The following MFSD8 variants were observed in gnomAD, a reference collection of about 807,000 sequenced individuals.
The protein encoded by MFSD8 is major facilitator superfamily domain containing 8, also known as major facilitator superfamily domain-containing protein 8.
In MFSD8, 55 loss-of-function variants were observed where a neutral mutation model predicts 66.4. That is an observed-to-expected ratio of 0.83 (90% confidence interval 0.67 to 1.04). MFSD8 has a LOEUF of 1.04. Among genes scored for constraint, MFSD8 ranks in the 50% least tolerant of loss-of-function variants. The pLI is 0.00. For missense variants in MFSD8, 550 were observed against 627.6 expected, an observed-to-expected ratio of 0.88 and a Z score of 1.32; for synonymous variants, 202 against 212.8, an observed-to-expected ratio of 0.95 and a Z score of 0.44.
chr4:127,948,292 C>A (rs1008277395), intron 3 of MFSD8, among the ~76,000 whole-genome samples: 6 of 152,020 alleles, frequency 3.9e-5, no homozygotes, highest in African/African-American at 1.4e-4. Flanking sequence ...GAAAAGGCAG[C>A]CTCCTAATAA....
Position 127,965,094 on chromosome 4 carries a change from A to C in MFSD8, c.40T>G (p.Leu14Val), listed in dbSNP as rs755977683. 1 of 1,613,974 alleles carries C rather than the reference A, an allele frequency of 6.2e-7. No individual in the cohort carries two copies. The highest frequency in any genetic ancestry group is 8.5e-7 in the Non-Finnish European group (1 of 1,180,018). Residue 14 changes from leucine (L) to valine (V), a missense_variant, in exon 1 of 12, where the codon TTA becomes GTA. Physicochemically the swap from Leu to Val is conservative, Grantham distance 32. Coordinates refer to ENST00000641686, the MANE Select transcript of MFSD8 (RefSeq NM_001371596.2). ...LRNESEQEPL[L>V]GDTPGSREWD... is the part of the protein sequence containing the mutation. ...CACCTGCTTCCAGGTGTGTCGCCTA[A>C]GAGCGGCTCCTGTTCACTTTCGTTC...
At chr4:127,929,322 CAAAAAAAAAAAAAA>C (rs543453360) in intron 9 of MFSD8, among the ~76,000 whole-genome samples, 9 of 30,362 alleles carry the variant, frequency 3.0e-4, no homozygotes, top group Admixed American at 7.7e-4. Flanking sequence ...GACTCCGTCA[CAAAAAAAAAAAAAA>C]AAAAAAAAAA....
At chr4:127,956,876 C>T (rs1025523170) in intron 2 of MFSD8, among the ~76,000 whole-genome samples, 4 of 150,632 alleles carry the variant, frequency 2.7e-5, no homozygotes, top group African/African-American at 9.8e-5. Flanking sequence ...GTGTTAGGGA[C>T]TCTTAGTAGT....
rs761377902 is a variant in MFSD8 at position 127,943,802 on chromosome 4, T to C, written c.389A>G (p.His130Arg). The C allele has an allele frequency of 1.2e-6, 2 of 1,613,486 alleles. No homozygotes were observed. The highest frequency in any genetic ancestry group is 1.3e-5 in the African/African-American group (1 of 75,034). Residue 130 changes from histidine (H) to arginine (R), a missense_variant, in exon 4 of 12, where the codon CAT becomes CGT. Transcript: ENST00000641686. Reference sequence around the variant, plus strand: ...AGCAACCAGCATGTAGTATTTATTATGAGAAGCTGGGATGTGGAGATATGC... The same window carrying C: ...AGCAACCAGCATGTAGTATTTATTACGAGAAGCTGGGATGTGGAGATATGC... ...LYAYLHIPAS[H>R]NKYYMLVARG...
At chr4:127,936,633 A>G (rs1196924144) in intron 7 of MFSD8, among the ~76,000 whole-genome samples, 1 of 151,838 alleles carries the variant, frequency 6.6e-6, no homozygotes, top group Non-Finnish European at 1.5e-5. Context: ...ACATATTTAT[A>G]TTAAAACATT....
At chr4:127,922,900 T>C (rs1736551984) in intron 9 of MFSD8, among the ~76,000 whole-genome samples, 1 of 152,186 alleles carries the variant, frequency 6.6e-6, no homozygotes, top group South Asian at 2.1e-4. Flanking sequence ...TATGGAATAA[T>C]CAGTGGCTAC....
chr4:127,952,869 C>CAAA (rs758640018), intron 2 of MFSD8, among the ~76,000 whole-genome samples: 12 of 65,240 alleles, frequency 1.8e-4, no homozygotes, highest in African/African-American at 5.2e-4. Context: ...GACTCCACCT[C>CAAA]AAAAAAAAAA....
chr4:127,946,776 G>A (rs775215884), intron 3 of MFSD8, among the ~76,000 whole-genome samples: 2 of 151,962 alleles, frequency 1.3e-5, no homozygotes, highest in African/African-American at 2.4e-5. Flanking sequence ...TTAGCTGGGC[G>A]TGGTGGTGCA....
chr4:127,942,236 T>C, intron 4 of MFSD8, 78 bp from the exon 5 acceptor site: 1 of 1,121,690 alleles, frequency 8.9e-7, no homozygotes, highest in Non-Finnish European at 1.3e-6. Flanking sequence ...TTTGACTTTA[T>C]ACAGAAGAAG....
chr4:127,920,966 A>T, intron 11 of MFSD8, 130 bp from the exon 12 acceptor site: 1 of 828,212 alleles, frequency 1.2e-6, no homozygotes, highest in Non-Finnish European at 1.9e-6. Context: ...TTTAAATTAA[A>T]CATAAAATGC....
At chr4:127,930,932 A>G in intron 8 of MFSD8, 115 bp from the exon 9 acceptor site, 1 of 1,037,756 alleles carries the variant, frequency 9.6e-7, no homozygotes, top group Non-Finnish European at 1.4e-6. Flanking sequence ...CATGCCTTTT[A>G]GCAATGACAA....
In MFSD8 at chr4:127,964,940, C is replaced by G. The variant is rs893284840; in HGVS notation, c.62+132G>C. 3.3e-5 allele frequency: 36 copies of G among 1,103,748 alleles called. 1 individual carries two copies. In the South Asian group the frequency reaches 3.9e-4, roughly 12 times the overall value. The allele number at this position is 1,103,748 out of a possible 1,614,324, so 68.4% of individuals were successfully genotyped here. A position where few individuals can be genotyped will look rare whatever the true frequency, so the allele number is the denominator to read the frequency against. On this transcript the variant is annotated intron_variant, in intron 1 of 11. Transcript: ENST00000641686. ...AGCGAATCTCCTCGGCTCACACAAC[C>G]CAGCCACCGGCTCCCACCGCGCTGG... is the stretch of plus-strand genomic sequence containing the variant.
chr4:127,924,179 T>C (rs1162829466), intron 9 of MFSD8, among the ~76,000 whole-genome samples: 5 of 152,182 alleles, frequency 3.3e-5, no homozygotes, highest in Non-Finnish European at 7.3e-5. Flanking sequence ...AACTTATTAT[T>C]GGTCAATTCA....
intron 5 of MFSD8, 79 bp downstream of exon 5, chr4:127,941,966 A>G: frequency 8.8e-7 from 1 of 1,130,220 alleles, no homozygotes; most frequent in East Asian, 2.4e-5. Context: ...GAGTTTTTAT[A>G]CTTGGGTTAC....
At chr4:127,932,094 G>C (rs1441904276) in intron 8 of MFSD8, among the ~76,000 whole-genome samples, 2 of 152,230 alleles carry the variant, frequency 1.3e-5, no homozygotes, top group Non-Finnish European at 2.9e-5. Flanking sequence ...CTGGGTGACA[G>C]AGTGAGACCC....
intron 6 of MFSD8, chr4:127,939,109 G>T (rs899091359): frequency 1.6e-5 from 4 of 253,002 alleles, no homozygotes; most frequent in African/African-American, 8.9e-5. Flanking sequence ...GTTTTACAGT[G>T]ATTATAAACA....
At chr4:127,928,260 C>T (rs1578828709) in intron 9 of MFSD8, among the ~76,000 whole-genome samples, 1 of 151,924 alleles carries the variant, frequency 6.6e-6, no homozygotes, top group East Asian at 1.9e-4. Context: ...AATGTGCCAC[C>T]ACGCCCTGTA....
At chr4:127,923,714 G>A (rs939171527) in intron 9 of MFSD8, among the ~76,000 whole-genome samples, 27 of 151,438 alleles carry the variant, frequency 1.8e-4, no homozygotes, top group African/African-American at 6.3e-4. Flanking sequence ...TGAGTAGCTG[G>A]GACTACAGGT....
chr4:127,939,264 T>C (rs1185985349), intron 6 of MFSD8: 1 of 155,654 alleles, frequency 6.4e-6, no homozygotes, highest in African/African-American at 2.4e-5. Flanking sequence ...CATTAATCTA[T>C]TTAAAATGTT....
Sources: allele counts gnomAD v4.1 joint callset (sites outside exome capture counted in the v4.1 genomes callset), GRCh38; gene constraint gnomAD v4.1.1; transcripts MANE v1.5; gene names NCBI Gene and HGNC (gene_info 2026-07-23, HGNC 2026-07-21).